SLC15A5: variants seen among roughly 807,000 people sequenced by gnomAD.
The protein encoded by SLC15A5 is solute carrier family 15 member 5, also known as Peptide/histidine transporter ENSP00000340402.
In SLC15A5, 58 loss-of-function variants were observed where a neutral mutation model predicts 56.1. The observed-to-expected ratio is 1.03, with a 90% confidence interval of 0.84 to 1.29. The LOEUF (loss-of-function observed/expected upper bound fraction) is 1.29, where lower values mean the gene tolerates loss of function less well. Among genes scored for constraint, SLC15A5 ranks in the 50% most tolerant of loss-of-function variants. The pLI is 0.00. For missense variants in SLC15A5, 681 were observed against 672.1 expected (o/e 1.01, Z -0.15); for synonymous variants, 264 against 250.5 (o/e 1.05, Z -0.51).
At chr12:16,225,475 G>A (rs1864231694) in intron 5 of SLC15A5, among the ~76,000 whole-genome samples, 1 of 152,228 alleles carries the variant, frequency 6.6e-6, no homozygotes, top group African/African-American at 2.4e-5. Context: ...AAACTCAAGA[G>A]CTTCTGCACA....
At chr12:16,191,764 C>A (rs778390042) in intron 8 of SLC15A5, among the ~76,000 whole-genome samples, 1 of 152,038 alleles carries the variant, frequency 6.6e-6, no homozygotes, top group Non-Finnish European at 1.5e-5. Context: ...TCCCAATGGC[C>A]AATAGGTCCC....
intron 7 of SLC15A5, among the ~76,000 whole-genome samples, chr12:16,205,995 C>T (rs1046812046): frequency 2.0e-5 from 3 of 152,018 alleles, no homozygotes; most frequent in Admixed American, 1.3e-4. Flanking sequence ...CCAAAATTGT[C>T]GAGACAAAAC....
At chr12:16,198,389 A>C (rs1392853416) in intron 7 of SLC15A5, among the ~76,000 whole-genome samples, 1 of 152,134 alleles carries the variant, frequency 6.6e-6, no homozygotes, top group Non-Finnish European at 1.5e-5. Context: ...TATTTATCCG[A>C]AATTATCACA....
intron 5 of SLC15A5, among the ~76,000 whole-genome samples, chr12:16,233,157 C>A (rs185251574): frequency 2.0e-5 from 3 of 152,238 alleles, no homozygotes; most frequent in Non-Finnish European, 4.4e-5. Context: ...TTACAACTAT[C>A]ATGCACTTTT....
intron 3 of SLC15A5, among the ~76,000 whole-genome samples, chr12:16,249,126 T>C (rs1003644622): frequency 6.6e-6 from 1 of 152,002 alleles, no homozygotes; most frequent in African/African-American, 2.4e-5. Context: ...GCACTCTAGA[T>C]GGTAGATGCA....
Position 16,237,305 on chromosome 12 carries a change from A to G in SLC15A5, c.1162+2376T>C, listed in dbSNP as rs56303554. Among the ~76,000 whole-genome samples the G allele has an allele frequency of 8.8e-4, 134 of 152,332 alleles. 1 individual carries two copies. The highest frequency in any genetic ancestry group is 1.7e-3 in the Non-Finnish European group (114 of 68,012). On this transcript the variant is annotated intron_variant, in intron 5 of 8. Transcript: ENST00000344941. This position sits in a 1 kb window ranked among gnomAD's most constrained non-coding sequence, Gnocchi z 4.1. The stretch of plus-strand genomic sequence containing the variant: ...AAAAGACGCATATCATCGCACTTTT[A>G]TATTCCCATAGCAAAACGTTATGCA...
At chr12:16,199,324 A>T (rs1159468567) in intron 7 of SLC15A5, among the ~76,000 whole-genome samples, 1 of 150,960 alleles carries the variant, frequency 6.6e-6, no homozygotes, top group Non-Finnish European at 1.5e-5. Flanking sequence ...AAAAAAAAAA[A>T]AGGATGCATG....
At chr12:16,276,603 T>C (rs1799495) in intron 1 of SLC15A5, among the ~76,000 whole-genome samples, 41,452 of 151,718 alleles carry the variant, frequency 0.27, 6,871 homozygotes, top group African/African-American at 0.46. Context: ...GTTTTCATGA[T>C]ATTTTCAGAG....
intron 2 of SLC15A5, among the ~76,000 whole-genome samples, chr12:16,260,214 C>G (rs1263785237): frequency 6.6e-6 from 1 of 152,026 alleles, no homozygotes; most frequent in Non-Finnish European, 1.5e-5. Flanking sequence ...TTGGAGCTGC[C>G]CATTACTTGC....
rs1864340251 is a variant in SLC15A5 at position 16,235,272 on chromosome 12, GTATATATATGTATATATGTA to G, written c.1162+4389_1162+4408del. ...TATATATGTGTATATATATGTATAT[GTATATATATGTATATATGTA>G]TATGTATATGTATATATATGTATAT... is the stretch of plus-strand genomic sequence containing the variant. On this transcript the variant is annotated intron_variant, in intron 5 of 8. Coordinates refer to ENST00000344941, the MANE Select transcript of SLC15A5 (RefSeq NM_001170798.1). This position sits in a 1 kb window ranked among gnomAD's most constrained non-coding sequence, Gnocchi z 4.1. Among the ~76,000 whole-genome samples the G allele has an allele frequency of 1.2e-5, 1 of 83,350 alleles. No individual in the cohort carries two copies. Among genetic ancestry groups the G allele is most frequent in the African/African-American group, 4.6e-5 (1 of 21,660 alleles). The allele number at this position is 83,350 out of a possible 152,430, so 54.7% of individuals were successfully genotyped here.
chr12:16,231,460 G>A (rs796219105), intron 5 of SLC15A5, among the ~76,000 whole-genome samples: 13 of 152,306 alleles, frequency 8.5e-5, no homozygotes, highest in African/African-American at 3.1e-4. Context: ...TGACAGCTGA[G>A]TGAGAGACTG....
At chr12:16,252,548 A>G (rs1488971069) in intron 3 of SLC15A5, among the ~76,000 whole-genome samples, 1 of 152,090 alleles carries the variant, frequency 6.6e-6, no homozygotes, top group Non-Finnish European at 1.5e-5. Flanking sequence ...AAACATTCCC[A>G]TATACTATAG....
chr12:16,272,970 T>A (rs756238493), intron 1 of SLC15A5, among the ~76,000 whole-genome samples, 187 bp from the exon 2 acceptor site: 7 of 152,126 alleles, frequency 4.6e-5, no homozygotes, highest in Non-Finnish European at 8.8e-5. Flanking sequence ...TCCTTCAATA[T>A]GTGTCTCAAC....
chr12:16,193,658 T>C (rs895877895), intron 8 of SLC15A5, among the ~76,000 whole-genome samples: 1 of 151,964 alleles, frequency 6.6e-6, no homozygotes, highest in Admixed American at 6.6e-5. Flanking sequence ...ATTAGCACTT[T>C]ATCAATATTC....
intron 6 of SLC15A5, 44 bp from the exon 7 acceptor site, chr12:16,217,068 A>C: frequency 6.6e-7 from 1 of 1,506,452 alleles, no homozygotes; most frequent in Non-Finnish European, 8.8e-7. Flanking sequence ...TTCTCCTGAA[A>C]ATGCTTTCAT....
intron 2 of SLC15A5, among the ~76,000 whole-genome samples, chr12:16,259,903 G>GGGA (rs1018251006): frequency 2.7e-5 from 4 of 149,162 alleles, no homozygotes; most frequent in East Asian, 3.9e-4. Context: ...CACCCGGGCG[G>GGGA]GGGGTAAGTT....
chr12:16,277,104 A>G (rs1297255179), intron 1 of SLC15A5, among the ~76,000 whole-genome samples: 1 of 115,772 alleles, frequency 8.6e-6, no homozygotes, highest in African/African-American at 4.0e-5. Context: ...TATAAATGCA[A>G]TGATATAGGC....
intron 7 of SLC15A5, among the ~76,000 whole-genome samples, chr12:16,201,034 C>T (rs1330237882): frequency 1.2e-4 from 19 of 152,026 alleles, no homozygotes; most frequent in South Asian, 1.2e-3. Context: ...TGTTTAGTTA[C>T]GCGTATGCTA....
At chr12:16,194,846 A>T (rs1303968645) in intron 7 of SLC15A5, among the ~76,000 whole-genome samples, 1 of 152,078 alleles carries the variant, frequency 6.6e-6, no homozygotes, top group Non-Finnish European at 1.5e-5. Context: ...TGAATGAATG[A>T]AAAGTATTTT....
Sources: allele counts gnomAD v4.1 joint callset (sites outside exome capture counted in the v4.1 genomes callset), GRCh38; gene constraint gnomAD v4.1.1; non-coding constraint Gnocchi (gnomAD v3.1); transcripts MANE v1.5; gene names NCBI Gene and HGNC (gene_info 2026-07-23, HGNC 2026-07-21).